SPOCK3: variants seen among roughly 807,000 people sequenced by gnomAD.
The protein encoded by SPOCK3 is testican-3.
In SPOCK3, 30 loss-of-function variants were observed where a neutral mutation model predicts 56.6. That is an observed-to-expected ratio of 0.53 (90% CI 0.40 to 0.72). The LOEUF (loss-of-function observed/expected upper bound fraction) is 0.72, where lower values mean the gene tolerates loss of function less well. SPOCK3 is among the 30% of genes least tolerant of loss of function. The probability of loss-of-function intolerance (pLI) is 0.00; values close to 1 mark genes in which losing one functional copy is unlikely to be tolerated. For missense variants in SPOCK3, 527 were observed against 530.0 expected (o/e 0.99, Z 0.06); for synonymous variants, 196 against 183.3 (o/e 1.07, Z -0.56).
intron 2 of SPOCK3, among the ~76,000 whole-genome samples, chr4:167,103,023 C>G (rs1759796859): frequency 6.6e-6 from 1 of 151,378 alleles, no homozygotes. Flanking sequence ...GAATATAAGC[C>G]CACCCCGTGG....
chr4:166,853,048 T>C (rs2126879880), intron 6 of SPOCK3, among the ~76,000 whole-genome samples: 1 of 152,306 alleles, frequency 6.6e-6, no homozygotes, highest in East Asian at 1.9e-4. Flanking sequence ...TTTTATGATG[T>C]GATTTTTTTT....
intron 2 of SPOCK3, among the ~76,000 whole-genome samples, chr4:167,175,653 T>G (rs1730919330): frequency 6.6e-6 from 1 of 152,050 alleles, no homozygotes; most frequent in African/African-American, 2.4e-5. Flanking sequence ...GTGGAGATGC[T>G]GTGGAGGCTT....
chr4:167,111,371 T>C (rs1415982877), intron 2 of SPOCK3, among the ~76,000 whole-genome samples: 2 of 152,086 alleles, frequency 1.3e-5, no homozygotes, highest in East Asian at 3.9e-4. Context: ...CACTTTTTTT[T>C]TCATGAGACC....
Position 167,130,467 on chromosome 4 carries a change from T to C in SPOCK3, c.190-67930A>G, listed in dbSNP as rs9968510. On this transcript the variant is annotated intron_variant, in intron 2 of 10. Transcript: ENST00000357545. ...AACAAAGAAGTCAAGCCATTAGATA[T>C]AATGCCTAAAAATTTCTGATGGCTC... Among the ~76,000 whole-genome samples, 926 of 152,220 alleles carry C rather than the reference T, an allele frequency of 6.1e-3. 7 individuals carry two copies. The highest frequency in any genetic ancestry group is 0.019 in the African/African-American group (769 of 41,540).
chr4:166,858,777 A>T (rs1730941536), intron 6 of SPOCK3, among the ~76,000 whole-genome samples: 2 of 152,210 alleles, frequency 1.3e-5, no homozygotes. Context: ...CAATATTTTT[A>T]AAATGAAACA....
chr4:167,042,566 G>C (rs568763993), intron 3 of SPOCK3, among the ~76,000 whole-genome samples: 1 of 152,030 alleles, frequency 6.6e-6, no homozygotes, highest in East Asian at 1.9e-4. Flanking sequence ...AGACTGATCA[G>C]AAAACTCTGA....
intron 8 of SPOCK3, among the ~76,000 whole-genome samples, chr4:166,743,378 G>C (rs1735122515): frequency 6.6e-6 from 1 of 152,064 alleles, no homozygotes; most frequent in African/African-American, 2.4e-5. Flanking sequence ...GTGGAATAAA[G>C]AATGAGATAG....
chr4:166,843,625 A>G (rs966057175), intron 6 of SPOCK3, among the ~76,000 whole-genome samples: 2 of 152,180 alleles, frequency 1.3e-5, no homozygotes, highest in East Asian at 1.9e-4. Flanking sequence ...AGACTCCCAC[A>G]CGACCCTAGC....
At chr4:166,975,729 AC>A (rs1745869758) in intron 4 of SPOCK3, among the ~76,000 whole-genome samples, 1 of 151,868 alleles carries the variant, frequency 6.6e-6, no homozygotes, top group African/African-American at 2.4e-5. Flanking sequence ...CAATTGTTTT[AC>A]TTTTCAGCTC....
At chr4:167,123,989 C>T (rs1762081834) in intron 2 of SPOCK3, among the ~76,000 whole-genome samples, 1 of 152,078 alleles carries the variant, frequency 6.6e-6, no homozygotes, top group South Asian at 2.1e-4. Flanking sequence ...TCGTGATCTG[C>T]CTGCCTCGGC....
intron 5 of SPOCK3, among the ~76,000 whole-genome samples, chr4:166,903,775 A>G (rs1168574723): frequency 1.3e-5 from 2 of 152,094 alleles, no homozygotes; most frequent in Non-Finnish European, 2.9e-5. Context: ...TCACATAACA[A>G]GACTAATTTT....
chr4:166,784,370 G>A (rs1005920903), intron 7 of SPOCK3, among the ~76,000 whole-genome samples: 8 of 151,740 alleles, frequency 5.3e-5, no homozygotes, highest in Non-Finnish European at 7.4e-5. Context: ...TATATGAATC[G>A]TATAATTTCA....
chr4:167,158,278 T>C (rs1327661595), intron 2 of SPOCK3, among the ~76,000 whole-genome samples: 5 of 151,974 alleles, frequency 3.3e-5, no homozygotes, highest in South Asian at 4.1e-4. Context: ...AGAGATAATA[T>C]AGTCCTCATG....
At chr4:167,199,272 A>G (rs1733278254) in intron 2 of SPOCK3, among the ~76,000 whole-genome samples, 1 of 149,200 alleles carries the variant, frequency 6.7e-6, no homozygotes, top group Non-Finnish European at 1.5e-5. Context: ...TATTTAGTAG[A>G]TGTAGTGTTC....
chr4:167,088,461 CTTTTTTT>C (rs538566191), intron 2 of SPOCK3, among the ~76,000 whole-genome samples: 1 of 111,150 alleles, frequency 9.0e-6, no homozygotes, highest in South Asian at 2.9e-4. Context: ...CCTATGAAAA[CTTTTTTT>C]TTTTTTTTTT....
intron 2 of SPOCK3, among the ~76,000 whole-genome samples, chr4:167,171,972 A>G (rs1166425895): frequency 1.3e-5 from 2 of 152,158 alleles, no homozygotes; most frequent in Non-Finnish European, 2.9e-5. Flanking sequence ...ACTAAAGAGG[A>G]TACTGCATAA....
chr4:166,743,967 G>A (rs1437814697), intron 8 of SPOCK3, among the ~76,000 whole-genome samples: 1 of 152,144 alleles, frequency 6.6e-6, no homozygotes, highest in Non-Finnish European at 1.5e-5. Flanking sequence ...AGCTCGATCT[G>A]GGTGGAGCCC....
intron 2 of SPOCK3, 47 bp downstream of exon 2, chr4:167,233,938 G>T: frequency 6.4e-7 from 1 of 1,558,656 alleles, no homozygotes; most frequent in South Asian, 1.1e-5. Context: ...CCCCCGCCTC[G>T]GAGCAGCGCG....
chr4:167,198,635 T>A (rs1733202343), intron 2 of SPOCK3, among the ~76,000 whole-genome samples: 1 of 152,178 alleles, frequency 6.6e-6, no homozygotes, highest in Admixed American at 6.5e-5. Context: ...TTTTTATTTG[T>A]GTTTTTCTTT....
Sources: gnomAD v4.1 joint callset for allele counts (sites outside exome capture counted in the v4.1 genomes callset) on GRCh38, gnomAD v4.1.1 for gene constraint, MANE v1.5 for transcripts, NCBI Gene and HGNC (gene_info 2026-07-23, HGNC 2026-07-21) for gene names.